DIAPH2: variants seen among roughly 807,000 people sequenced by gnomAD.
DIAPH2 encodes protein diaphanous homolog 2.
A neutral mutation model predicts 92.7 loss-of-function variants in DIAPH2; 35 were observed. The ratio of observed to expected loss-of-function variants is 0.38; its 90% CI spans 0.29 to 0.50. The LOEUF (loss-of-function observed/expected upper bound fraction) is 0.50. Among genes scored for constraint, DIAPH2 ranks in the 20% least tolerant of loss-of-function variants. The pLI is 0.94. For missense variants in DIAPH2, 701 were observed against 819.5 expected (o/e 0.86, Z 1.77); for synonymous variants, 301 against 280.4 (o/e 1.07, Z -0.73).
At chrX:96,749,170 TTGAG>T (rs2064171509) in intron 3 of DIAPH2, among the ~76,000 whole-genome samples, 4 of 102,040 alleles carry the variant, frequency 3.9e-5, no homozygotes, top group Non-Finnish European at 5.9e-5. Context: ...ATATATATGT[TTGAG>T]TAAGTAGCCC....
At position 97,001,383 on chromosome X, in the gene DIAPH2, G is replaced by A. The variant is rs765958151; in HGVS notation, c.2050+36176G>A. On this transcript the variant is annotated intron_variant, in intron 17 of 26. Transcript: ENST00000324765. The stretch of plus-strand genomic sequence containing the variant: ...AGCCAGTCCAGGTGCGGTGGCTCAC[G>A]CCTGTAATCCCAGCACTTTGGGAGG... 2.9e-4 allele frequency among the ~76,000 whole-genome samples: 33 copies of A among 112,199 alleles called. No individual in the cohort carries two copies. The East Asian group carries it at 8.7e-3, about 29-fold the overall frequency.
chrX:97,135,745 G>T (rs749743236), intron 21 of DIAPH2, among the ~76,000 whole-genome samples: 28 of 111,155 alleles, frequency 2.5e-4, no homozygotes, highest in Middle Eastern at 9.2e-3. Context: ...TATAAAAGTG[G>T]CATATTCGTA....
At chrX:97,330,085 T>TTGTGTGTGTGTGTG (rs367920689) in intron 23 of DIAPH2, among the ~76,000 whole-genome samples, 12 of 94,843 alleles carry the variant, frequency 1.3e-4, no homozygotes, top group South Asian at 5.8e-4. Flanking sequence ...GATTTGGTGT[T>TTGTGTGTGTGTGTG]TGTGTGTGTG....
At chrX:96,771,367 G>A (rs1054857444) in intron 4 of DIAPH2, among the ~76,000 whole-genome samples, 24 of 111,532 alleles carry the variant, frequency 2.2e-4, no homozygotes, top group Admixed American at 1.9e-4. Context: ...TTCTATTGAG[G>A]ATATTTTTCT....
At chrX:97,014,142 CAGTG>C (rs199683836) in intron 17 of DIAPH2, among the ~76,000 whole-genome samples, 1,512 of 111,501 alleles carry the variant, frequency 0.014, 32 homozygotes, top group African/African-American at 0.047. Context: ...CTAAGATTGT[CAGTG>C]AGGAGAGAGG....
chrX:96,854,597 T>TTATA (rs2065025656), intron 4 of DIAPH2, among the ~76,000 whole-genome samples: 1 of 62,243 alleles, frequency 1.6e-5, no homozygotes, highest in African/African-American at 5.6e-5. Flanking sequence ...TCTCTCTCTC[T>TTATA]CATATATATA....
intron 23 of DIAPH2, among the ~76,000 whole-genome samples, chrX:97,325,876 C>G (rs1462720703): frequency 1.8e-5 from 2 of 112,240 alleles, no homozygotes; most frequent in Non-Finnish European, 1.9e-5. Flanking sequence ...CACGCCCGGC[C>G]TAATGTTATT....
At chrX:97,061,316 A>G (rs151154411) in intron 17 of DIAPH2, among the ~76,000 whole-genome samples, 24 of 112,234 alleles carry the variant, frequency 2.1e-4, no homozygotes, top group African/African-American at 7.1e-4. Context: ...AAACTAAGCT[A>G]TGATGTGCTT....
chrX:97,017,729 A>G (rs1407966785), intron 17 of DIAPH2, among the ~76,000 whole-genome samples: 1 of 112,410 alleles, frequency 8.9e-6, no homozygotes, highest in Non-Finnish European at 1.9e-5. Flanking sequence ...AAATGTTTCA[A>G]TGATGATGTG....
chrX:97,274,440 G>T (rs1479064935), intron 23 of DIAPH2, among the ~76,000 whole-genome samples: 1 of 107,613 alleles, frequency 9.3e-6, no homozygotes, highest in African/African-American at 3.4e-5. Context: ...CCTGGGAGGC[G>T]GAGGTTGCAG....
At chrX:96,881,550 C>T (rs776820992) in intron 4 of DIAPH2, 29 bp from the exon 5 acceptor site, 1 of 1,168,026 alleles carries the variant, frequency 8.6e-7, no homozygotes, top group South Asian at 2.0e-5. Flanking sequence ...GAAACATTGT[C>T]TAAAATGGTC....
intron 22 of DIAPH2, among the ~76,000 whole-genome samples, chrX:97,191,326 CA>C (rs201405289): frequency 3.9e-4 from 31 of 78,667 alleles, no homozygotes; most frequent in Admixed American, 2.8e-4. Flanking sequence ...GAAACTCTCT[CA>C]AAAAAAAAAA....
chrX:97,354,899 G>T (rs1396314725), intron 24 of DIAPH2, among the ~76,000 whole-genome samples: 1 of 112,231 alleles, frequency 8.9e-6, no homozygotes, highest in African/African-American at 3.2e-5. Flanking sequence ...AACTTTGGAA[G>T]CACCATATGA....
At chrX:97,469,611 T>C (rs2070544908) in intron 26 of DIAPH2, 9 of 897,007 alleles carry the variant, frequency 1.0e-5, no homozygotes, top group Non-Finnish European at 1.3e-5. Flanking sequence ...TATGGTTTTG[T>C]CTTATTCAGT....
At chrX:97,377,256 T>C (rs2069509626) in intron 24 of DIAPH2, among the ~76,000 whole-genome samples, 1 of 112,427 alleles carries the variant, frequency 8.9e-6, no homozygotes, top group Non-Finnish European at 1.9e-5. Context: ...CTCTAAATGG[T>C]AGAAAGTATG....
At chrX:97,464,696 G>C (rs2070494144) in intron 26 of DIAPH2, among the ~76,000 whole-genome samples, 1 of 111,793 alleles carries the variant, frequency 8.9e-6, no homozygotes, top group Non-Finnish European at 1.9e-5. Context: ...CAGATTCTCT[G>C]AGAAGGGTAT....
rs2069175674 is a variant in DIAPH2 at position 97,348,186 on chromosome X, A to G, written c.2915A>G (p.Tyr972Cys). ...ATGCACAACAACATGATGAAGCTCT[A>G]TGAGAATCTTGGAGAATACTTCATT... Reference protein sequence around the residue: ...STMHNNMMKLYENLGEYFIFD... With the variant: ...STMHNNMMKLCENLGEYFIFD... Residue 972 changes from tyrosine (Y) to cysteine (C), a missense_variant, in exon 24 of 27, where the codon TAT (tyrosine) becomes TGT (cysteine). Tyr to Cys is a radical substitution (Grantham distance 194). Around this residue, in one of 3 missense-constraint regions of DIAPH2, gnomAD observed 536 missense variants for 599.3 expected, o/e 0.89. Transcript: ENST00000324765. 1 of 1,208,911 alleles carries G rather than the reference A, an allele frequency of 8.3e-7. No homozygotes were observed. Among genetic ancestry groups the G allele is most frequent in the Non-Finnish European group, 1.1e-6 (1 of 894,278 alleles).
intron 25 of DIAPH2, among the ~76,000 whole-genome samples, chrX:97,407,791 A>G (rs754373008): frequency 7.1e-5 from 8 of 112,281 alleles, no homozygotes; most frequent in Non-Finnish European, 1.5e-4. Flanking sequence ...ATGGCAACAT[A>G]GTAACTTCAT....
intron 24 of DIAPH2, among the ~76,000 whole-genome samples, chrX:97,367,425 A>T (rs1172581523): frequency 1.8e-5 from 2 of 111,671 alleles, no homozygotes; most frequent in Non-Finnish European, 3.8e-5. Flanking sequence ...TGTCCTTATT[A>T]TTTCCAGTTT....
Sources: allele counts gnomAD v4.1 joint callset (sites outside exome capture counted in the v4.1 genomes callset), GRCh38; gene constraint gnomAD v4.1.1; regional missense constraint gnomAD v4.1.1; transcripts MANE v1.5; gene names NCBI Gene and HGNC (gene_info 2026-07-23, HGNC 2026-07-21).